PTPRM: variants seen among roughly 807,000 people sequenced by gnomAD.
The protein encoded by PTPRM is protein tyrosine phosphatase receptor type M.
A neutral mutation model predicts 186.7 loss-of-function variants in PTPRM; 47 were observed. The ratio of observed to expected loss-of-function variants is 0.25; its 90% CI spans 0.20 to 0.32. The LOEUF (loss-of-function observed/expected upper bound fraction) is 0.32, where lower values mean the gene tolerates loss of function less well. Ranked by LOEUF, PTPRM falls within the 10% of genes least tolerant of loss-of-function variation. PTPRM has a pLI of 1.00. For synonymous variants in PTPRM, 668 were observed against 674.9 expected (o/e 0.99, Z 0.16); for missense variants, 1,494 against 1,865.0 (o/e 0.80, Z 3.66).
intron 1 of PTPRM, among the ~76,000 whole-genome samples, chr18:7,662,393 A>G (rs1208498855): frequency 6.6e-6 from 1 of 152,238 alleles, no homozygotes; most frequent in Non-Finnish European, 1.5e-5. Flanking sequence ...AAAAAGAATG[A>G]GATCCTGTCA....
At chr18:7,666,232 T>C (rs2039091776) in intron 1 of PTPRM, among the ~76,000 whole-genome samples, 1 of 152,256 alleles carries the variant, frequency 6.6e-6, no homozygotes, top group Admixed American at 6.5e-5. Context: ...CCACTTTCTC[T>C]GTTCCCTTTA....
chr18:8,000,844 GTTTATGTGC>G (rs1268472015), intron 7 of PTPRM, among the ~76,000 whole-genome samples: 2 of 152,174 alleles, frequency 1.3e-5, no homozygotes, highest in Non-Finnish European at 2.9e-5. Flanking sequence ...AATTGCCAAC[GTTTATGTGC>G]TTTTCCAAAG....
At chr18:8,208,099 T>C (rs1047989061) in intron 14 of PTPRM, among the ~76,000 whole-genome samples, 2 of 152,204 alleles carry the variant, frequency 1.3e-5, no homozygotes, top group Non-Finnish European at 2.9e-5. Flanking sequence ...AGGATGGGCA[T>C]GGTCAGCAAC....
intron 5 of PTPRM, among the ~76,000 whole-genome samples, chr18:7,929,358 A>G (rs1435032638): frequency 6.6e-6 from 1 of 152,016 alleles, no homozygotes; most frequent in Non-Finnish European, 1.5e-5. Flanking sequence ...CGGTCCCTTA[A>G]TGCCTTTCTT....
At chr18:7,578,636 A>AT (rs545184765) in intron 1 of PTPRM, among the ~76,000 whole-genome samples, 18,417 of 136,416 alleles carry the variant, frequency 0.14, 1,347 homozygotes, top group South Asian at 0.25. Flanking sequence ...CGCCTGGCCA[A>AT]TTTTTTTTTT....
intron 14 of PTPRM, among the ~76,000 whole-genome samples, chr18:8,219,888 A>G (rs1462214883): frequency 2.0e-5 from 3 of 152,212 alleles, no homozygotes; most frequent in Non-Finnish European, 4.4e-5. Flanking sequence ...AATTTGATAT[A>G]TCATTACCAC....
intron 1 of PTPRM, among the ~76,000 whole-genome samples, chr18:7,680,216 T>C (rs1455742554): frequency 1.3e-5 from 2 of 152,184 alleles, no homozygotes; most frequent in Non-Finnish European, 2.9e-5. Context: ...ACGGAAGCTA[T>C]AAATGCTAAA....
intron 7 of PTPRM, among the ~76,000 whole-genome samples, chr18:8,031,618 C>T (rs2085980400): frequency 6.6e-6 from 1 of 152,166 alleles, no homozygotes; most frequent in Admixed American, 6.5e-5. Flanking sequence ...GGCACGTTTG[C>T]AGCACTATAG....
At chr18:8,128,934 TC>T in intron 13 of PTPRM, among the ~76,000 whole-genome samples, 1 of 152,162 alleles carries the variant, frequency 6.6e-6, no homozygotes, top group African/African-American at 2.4e-5. Context: ...TTTTATACTG[TC>T]TTTTGTTTGC....
chr18:7,876,902 C>T lies in PTPRM; in HGVS notation c.197-11204C>T, dbSNP rs73379915. On this transcript the variant is annotated intron_variant, in intron 2 of 32. Transcript: ENST00000580170. Reference sequence around the variant, plus strand: ...TTCCCTGAGGTTCATATTCTGTCTCCACCACTTACAACCTACATGATCTTG... The same window carrying T: ...TTCCCTGAGGTTCATATTCTGTCTCTACCACTTACAACCTACATGATCTTG... Among the ~76,000 whole-genome samples the T allele has an allele frequency of 4.3e-3, 662 of 152,244 alleles. 9 individuals carry two copies. The highest frequency in any genetic ancestry group is 0.015 in the African/African-American group (638 of 41,526).
At chr18:8,022,992 A>G (rs1279022576) in intron 7 of PTPRM, among the ~76,000 whole-genome samples, 1 of 152,194 alleles carries the variant, frequency 6.6e-6, no homozygotes, top group Non-Finnish European at 1.5e-5. Context: ...AATCTGATGT[A>G]GAAACGTCCT....
intron 1 of PTPRM, among the ~76,000 whole-genome samples, chr18:7,746,574 T>G (rs2144556840): frequency 6.6e-6 from 1 of 152,216 alleles, no homozygotes; most frequent in Non-Finnish European, 1.5e-5. Flanking sequence ...CAAGCAATTC[T>G]CCTGCCTCAG....
intron 1 of PTPRM, among the ~76,000 whole-genome samples, chr18:7,604,227 C>G (rs1013269651): frequency 3.9e-5 from 6 of 152,144 alleles, no homozygotes; most frequent in Non-Finnish European, 8.8e-5. Context: ...GGGCTTTACA[C>G]TAAATTTGGG....
intron 19 of PTPRM, among the ~76,000 whole-genome samples, chr18:8,271,987 G>A (rs573851833): frequency 2.0e-5 from 3 of 152,072 alleles, no homozygotes; most frequent in Non-Finnish European, 4.4e-5. Context: ...CGAGGCAGGC[G>A]GATCACCTGA....
chr18:8,175,475 GT>G (rs909345759), intron 14 of PTPRM, among the ~76,000 whole-genome samples: 1 of 152,076 alleles, frequency 6.6e-6, no homozygotes, highest in Non-Finnish European at 1.5e-5. Flanking sequence ...TTTTATTTTT[GT>G]TTTATATCCA....
At chr18:7,965,027 C>CT (rs2147220041) in intron 7 of PTPRM, among the ~76,000 whole-genome samples, 1 of 145,206 alleles carries the variant, frequency 6.9e-6, no homozygotes, top group African/African-American at 2.6e-5. Context: ...TGCCCCCACT[C>CT]TAACACTTTT....
intron 2 of PTPRM, among the ~76,000 whole-genome samples, chr18:7,876,696 C>T (rs1254186136): frequency 6.6e-6 from 1 of 152,204 alleles, no homozygotes; most frequent in Non-Finnish European, 1.5e-5. Flanking sequence ...TTGTTCCTTT[C>T]TCTGCTATCT....
At chr18:8,087,502 G>T (rs950350510) in intron 10 of PTPRM, among the ~76,000 whole-genome samples, 12 of 152,020 alleles carry the variant, frequency 7.9e-5, no homozygotes, top group African/African-American at 2.7e-4. Context: ...AGCATGCCAA[G>T]TTCAAATAAT....
chr18:7,880,575 G>C (rs188646728), intron 2 of PTPRM, among the ~76,000 whole-genome samples: 1 of 152,204 alleles, frequency 6.6e-6, no homozygotes, highest in Non-Finnish European at 1.5e-5. Flanking sequence ...TGTGAATGCA[G>C]CTTGGAGACT....
Sources: gnomAD v4.1 joint callset for allele counts (sites outside exome capture counted in the v4.1 genomes callset) on GRCh38, gnomAD v4.1.1 for gene constraint, MANE v1.5 for transcripts, NCBI Gene and HGNC (gene_info 2026-07-23, HGNC 2026-07-21) for gene names.